The following NCAM1 variants were observed in gnomAD, a reference collection of about 807,000 sequenced individuals.
NCAM1 encodes the protein antigen recognized by monoclonal antibody 5.1H11.
NCAM1 carries 14 observed loss-of-function variants against 109.8 expected under a neutral mutation model. The observed-to-expected ratio is 0.13, with a 90% CI of 0.08 to 0.20. NCAM1 has a LOEUF of 0.20. NCAM1 is among the 10% of genes least tolerant of loss of function. The pLI is 1.00. For synonymous variants in NCAM1, 418 were observed against 442.9 expected, an observed-to-expected ratio of 0.94 and a Z score of 0.70; for missense variants, 774 against 1,109.9, an observed-to-expected ratio of 0.70 and a Z score of 4.30.
chr11:113,066,703 T>C (rs782800535), intron 1 of NCAM1, among the ~76,000 whole-genome samples: 21 of 152,056 alleles, frequency 1.4e-4, no homozygotes, highest in Admixed American at 3.9e-4. Flanking sequence ...TCTTTCCCTC[T>C]AAAAAGAATT....
intron 1 of NCAM1, among the ~76,000 whole-genome samples, chr11:112,967,128 C>T (rs1452962708): frequency 6.6e-6 from 1 of 152,178 alleles, no homozygotes; most frequent in Non-Finnish European, 1.5e-5. Flanking sequence ...TGATTTGTAG[C>T]TGCAAACATG....
chr11:113,160,756 T>A (rs1272531832), intron 1 of NCAM1, among the ~76,000 whole-genome samples: 2 of 152,044 alleles, frequency 1.3e-5, no homozygotes, highest in Non-Finnish European at 2.9e-5. Flanking sequence ...ACAAAGAGGG[T>A]CACTGAGGGC....
chr11:113,193,651 G>A (rs994105736), intron 1 of NCAM1, among the ~76,000 whole-genome samples: 4 of 150,310 alleles, frequency 2.7e-5, no homozygotes, highest in Admixed American at 6.6e-5. Context: ...AAAAAAGAAA[G>A]GAAGAAAAAG....
intron 1 of NCAM1, among the ~76,000 whole-genome samples, chr11:113,048,595 C>T (rs945168274): frequency 1.3e-5 from 2 of 152,174 alleles, no homozygotes; most frequent in Non-Finnish European, 2.9e-5. Flanking sequence ...CTTGGTTCTC[C>T]CTGCTTTTGC....
intron 1 of NCAM1, among the ~76,000 whole-genome samples, chr11:112,981,529 A>C (rs574933441): frequency 1.3e-5 from 2 of 152,008 alleles, no homozygotes; most frequent in East Asian, 3.9e-4. Flanking sequence ...TCTATGGGAT[A>C]CCATAGATAC....
chr11:113,275,402 C>T lies in NCAM1; in HGVS notation c.*15C>T, dbSNP rs373641108. 44 of 1,608,176 alleles carry T rather than the reference C, an allele frequency of 2.7e-5. No homozygotes were observed. Among genetic ancestry groups the T allele is most frequent in the East Asian group, 6.7e-5 (3 of 44,608 alleles). ...GCAAAGCATGATGGGTGAAGAGAAC[C>T]GAGCAAAGATCAAAATAAAAAGTGA... On this transcript the variant is annotated 3_prime_UTR_variant, in exon 20 of 20. Coordinates refer to ENST00000316851, the MANE Select transcript of NCAM1 (RefSeq NM_181351.5).
chr11:113,240,882 G>A (rs782321170), intron 14 of NCAM1: 3 of 1,564,096 alleles, frequency 1.9e-6, no homozygotes, highest in African/African-American at 2.7e-5. Context: ...CTTTCCACCA[G>A]CCACAGTTTG....
chr11:113,135,975 G>A (rs1316400194), intron 1 of NCAM1, among the ~76,000 whole-genome samples: 2 of 152,108 alleles, frequency 1.3e-5, no homozygotes, highest in Admixed American at 6.5e-5. Flanking sequence ...GGTGGACACT[G>A]GACACTTAAC....
chr11:112,971,226 T>TTC (rs137914370), intron 1 of NCAM1, among the ~76,000 whole-genome samples: 14 of 149,374 alleles, frequency 9.4e-5, no homozygotes, highest in South Asian at 6.4e-4. Flanking sequence ...GTACTTCAAT[T>TTC]TCTCTCTCTC....
intron 1 of NCAM1, among the ~76,000 whole-genome samples, chr11:113,066,508 G>A (rs1937966029): frequency 6.6e-6 from 1 of 152,122 alleles, no homozygotes; most frequent in African/African-American, 2.4e-5. Flanking sequence ...CCAGGCTTCA[G>A]GCCTCTCAAT....
intron 1 of NCAM1, among the ~76,000 whole-genome samples, chr11:113,167,690 C>CA (rs1278997091): frequency 6.6e-6 from 1 of 152,136 alleles, no homozygotes; most frequent in East Asian, 1.9e-4. Flanking sequence ...AGTGAGGTCC[C>CA]ACTCCAGCCT....
chr11:113,072,758 G>T (rs1938339030), intron 1 of NCAM1, among the ~76,000 whole-genome samples: 2 of 146,448 alleles, frequency 1.4e-5, no homozygotes, highest in African/African-American at 2.5e-5. Flanking sequence ...CTTTGCTATA[G>T]TAAACTTTCT....
At chr11:113,132,302 C>T (rs1359367885) in intron 1 of NCAM1, among the ~76,000 whole-genome samples, 3 of 152,168 alleles carry the variant, frequency 2.0e-5, no homozygotes, top group Non-Finnish European at 4.4e-5. Context: ...AGACAGTTCT[C>T]CCAGGAGACT....
chr11:113,204,547 G>A (rs1555112521), intron 3 of NCAM1, 43 bp downstream of exon 3: 1 of 1,584,980 alleles, frequency 6.3e-7, no homozygotes, highest in Admixed American at 1.7e-5. Context: ...GCCTCTCCTT[G>A]CCAAGGAGAC....
At chr11:113,126,170 A>G (rs1294877657) in intron 1 of NCAM1, among the ~76,000 whole-genome samples, 1 of 146,114 alleles carries the variant, frequency 6.8e-6, no homozygotes, top group African/African-American at 2.5e-5. Flanking sequence ...AAAAAAAAAA[A>G]TAGTAAGAAT....
intron 17 of NCAM1, among the ~76,000 whole-genome samples, chr11:113,265,372 G>A (rs1210985098): frequency 6.6e-6 from 1 of 152,166 alleles, no homozygotes; most frequent in Non-Finnish European, 1.5e-5. Flanking sequence ...GGCATCCTAA[G>A]AGCTGTTAAG....
chr11:113,003,896 T>C (rs1294578261), intron 1 of NCAM1: 5 of 152,202 alleles, frequency 3.3e-5, no homozygotes, highest in East Asian at 1.9e-4. Context: ...TATTTATATG[T>C]GTCAGTATCA....
intron 1 of NCAM1, among the ~76,000 whole-genome samples, chr11:112,981,336 T>C (rs1951150796): frequency 6.6e-6 from 1 of 151,966 alleles, no homozygotes; most frequent in South Asian, 2.1e-4. Context: ...GGTTGCATTT[T>C]AAAGCAAGGC....
chr11:113,132,673 GGAGA>G (rs142344934), intron 1 of NCAM1, among the ~76,000 whole-genome samples: 20 of 148,636 alleles, frequency 1.3e-4, no homozygotes, highest in East Asian at 1.2e-3. Flanking sequence ...TGGGGGAGCT[GGAGA>G]GAGAGAGAGA....
Sources: gnomAD v4.1 joint callset for allele counts (sites outside exome capture counted in the v4.1 genomes callset) on GRCh38, gnomAD v4.1.1 for gene constraint, MANE v1.5 for transcripts, NCBI Gene and HGNC (gene_info 2026-07-23, HGNC 2026-07-21) for gene names.